The following STOX2 variants were observed in gnomAD, a reference collection of about 807,000 sequenced individuals.
STOX2 encodes the protein storkhead box 2.
A neutral mutation model predicts 60.9 loss-of-function variants in STOX2; 28 were observed. The ratio of observed to expected loss-of-function variants is 0.46; its 90% CI spans 0.34 to 0.63. STOX2 has a LOEUF of 0.63. STOX2 is among the 30% of genes least tolerant of loss of function. The pLI is 0.01. For synonymous variants in STOX2, 472 were observed against 463.9 expected (o/e 1.02, Z -0.22); for missense variants, 1,024 against 1,187.7 (o/e 0.86, Z 2.03).
intron 1 of STOX2, among the ~76,000 whole-genome samples, chr4:183,971,648 G>C (rs1353912029): frequency 6.6e-6 from 1 of 152,230 alleles, no homozygotes; most frequent in Non-Finnish European, 1.5e-5. Flanking sequence ...TGTCTGGTAT[G>C]TGGTAAGTGG....
chr4:183,859,012 C>T (rs887495082), intron 1 of STOX2, among the ~76,000 whole-genome samples: 10 of 152,174 alleles, frequency 6.6e-5, no homozygotes, highest in South Asian at 2.1e-4. Context: ...CTCTGCCACC[C>T]GCCCCACATT....
chr4:183,989,120 CG>C (rs1732977415), intron 1 of STOX2, among the ~76,000 whole-genome samples: 1 of 151,244 alleles, frequency 6.6e-6, no homozygotes, highest in South Asian at 2.1e-4. Context: ...CTATCTCGCT[CG>C]CTGCTCTGAG....
chr4:184,011,494 A>G lies in STOX2; in HGVS notation c.2585+71A>G, dbSNP rs1734172898. On this transcript the variant is annotated intron_variant, in intron 3 of 3. Transcript: ENST00000308497. This position sits in a 1 kb window ranked among gnomAD's most constrained non-coding sequence, Gnocchi z 4.4. ...TGGGGCTTTATGCACGTAACTTGAC[A>G]AGTTTCTGATTTCGTAGTCTCAGTT... 1 of 1,585,506 alleles carries G rather than the reference A, an allele frequency of 6.3e-7. No homozygotes were observed. Among genetic ancestry groups the G allele is most frequent in the South Asian group, 1.2e-5 (1 of 86,594 alleles).
intron 1 of STOX2, among the ~76,000 whole-genome samples, chr4:183,965,744 G>A (rs1743547496): frequency 6.6e-6 from 1 of 152,148 alleles, no homozygotes; most frequent in African/African-American, 2.4e-5. Context: ...GTTGTGGGGG[G>A]CGGTTTCCAG....
chr4:183,951,893 G>A (rs993964553), intron 1 of STOX2, among the ~76,000 whole-genome samples: 3 of 152,116 alleles, frequency 2.0e-5, no homozygotes, highest in African/African-American at 4.8e-5. Flanking sequence ...GCAGTGAGCC[G>A]AGATAGCACC....
intron 1 of STOX2, among the ~76,000 whole-genome samples, chr4:183,839,061 A>T (rs962830482): frequency 6.6e-6 from 1 of 152,076 alleles, no homozygotes; most frequent in Non-Finnish European, 1.5e-5. Context: ...ACACACACAC[A>T]CACACACACA....
chr4:183,906,369 C>A lies in STOX2; in HGVS notation c.-422C>A, dbSNP rs975440675. 1.3e-5 allele frequency: 2 copies of A among 156,074 alleles called. No homozygotes were observed. Among genetic ancestry groups the A allele is most frequent in the Admixed American group, 1.3e-4 (2 of 15,458 alleles). 9.7% of individuals were successfully genotyped at this position (156,074 alleles called of 1,614,324 possible). On this transcript the variant is annotated 5_prime_UTR_variant, in exon 1 of 4. Coordinates refer to ENST00000308497, the MANE Select transcript of STOX2 (RefSeq NM_020225.3). The stretch of plus-strand genomic sequence containing the variant: ...CCTCATTTGTTTGGGTCTTTTGTGC[C>A]GTGGCTCCCAGTTGGCCAAGCACTC...
intron 3 of STOX2, chr4:184,015,722 T>G (rs1404280749): frequency 1.3e-5 from 2 of 152,232 alleles, no homozygotes; most frequent in African/African-American, 4.8e-5. Context: ...TAGTTTGACT[T>G]GTTAACTAGC....
chr4:183,831,998 T>G (rs865980145), intron 1 of STOX2, among the ~76,000 whole-genome samples: 1 of 151,220 alleles, frequency 6.6e-6, no homozygotes, highest in African/African-American at 2.4e-5. Context: ...TCTTTTTTTT[T>G]TTTTTTTTGA....
At chr4:183,931,533 C>T (rs1438041422) in intron 1 of STOX2, among the ~76,000 whole-genome samples, 3 of 152,000 alleles carry the variant, frequency 2.0e-5, no homozygotes, top group African/African-American at 4.8e-5. Flanking sequence ...ATATTAGTTG[C>T]GAAGTGTCTA....
chr4:184,010,904 G>T lies in STOX2; in HGVS notation c.2066G>T (p.Ser689Ile). Residue 689 changes from serine (S) to isoleucine (I), a missense_variant, in exon 3 of 4, where the codon AGC (serine) becomes ATC (isoleucine). Coordinates refer to ENST00000308497, the MANE Select transcript of STOX2 (RefSeq NM_020225.3). The surrounding 1 kb of genome is among the most constrained non-coding windows in gnomAD (Gnocchi z 4.5). ...GTCCAGCACCATGGTGCCGAGCCCA[G>T]CAGCTTGGACAAGAGGAAAGAGATA... Reference protein sequence around the residue: ...RLVQHHGAEPSSLDKRKEIFS... With the variant: ...RLVQHHGAEPISLDKRKEIFS... The T allele has an allele frequency of 6.2e-7, 1 of 1,613,180 alleles. No homozygotes were observed. The highest frequency in any genetic ancestry group is 8.5e-7 in the Non-Finnish European group (1 of 1,179,522).
At chr4:183,991,368 A>G (rs1003620473) in intron 1 of STOX2, among the ~76,000 whole-genome samples, 5 of 152,196 alleles carry the variant, frequency 3.3e-5, no homozygotes, top group Non-Finnish European at 7.3e-5. Flanking sequence ...CAAATTTTCC[A>G]TTGGTAGAAA....
Position 183,884,097 on chromosome 4 carries a change from G to A in STOX2, c.364+86042G>A, listed in dbSNP as rs373263374. On this transcript the variant is annotated intron_variant, in intron 1 of 2. Coordinates refer to the STOX2 transcript ENST00000513034. ...TTGAACTTCTGACCTTAGGTGATCCGCCCCCCTCGGCCTCCCAAAGTGCTG... is the reference window on the plus strand; with the variant it reads ...TTGAACTTCTGACCTTAGGTGATCCACCCCCCTCGGCCTCCCAAAGTGCTG... Among the ~76,000 whole-genome samples the A allele has an allele frequency of 1.8e-3, 269 of 151,714 alleles. 3 individuals carry two copies. The highest frequency in any genetic ancestry group is 5.8e-3 in the African/African-American group (239 of 41,368).
intron 1 of STOX2, among the ~76,000 whole-genome samples, chr4:183,846,315 T>C (rs1739988858): frequency 6.6e-6 from 1 of 152,246 alleles, no homozygotes; most frequent in Non-Finnish European, 1.5e-5. Flanking sequence ...GTTGAGTTTG[T>C]TGAATGTGTA....
Position 183,856,589 on chromosome 4 carries a change from G to T in STOX2, c.364+58534G>T, listed in dbSNP as rs1313776514. On this transcript the variant is annotated intron_variant, in intron 1 of 2. Transcript: ENST00000513034. The surrounding 1 kb of genome is among the most constrained non-coding windows in gnomAD (Gnocchi z 4.0). ...AAGCCGTCCCTGCTCTCAGCCACCTGCCCCTGGCTGACTGCAGCTAATGGT... is the reference window on the plus strand; with the variant it reads ...AAGCCGTCCCTGCTCTCAGCCACCTTCCCCTGGCTGACTGCAGCTAATGGT... Among the ~76,000 whole-genome samples the T allele has an allele frequency of 1.3e-5, 2 of 152,146 alleles. No homozygotes were observed. The highest frequency in any genetic ancestry group is 1.5e-5 in the Non-Finnish European group (1 of 68,024).
intron 1 of STOX2, among the ~76,000 whole-genome samples, chr4:183,931,153 G>A (rs4416517): frequency 0.19 from 29,495 of 152,038 alleles, 4,561 homozygotes; most frequent in African/African-American, 0.42. Context: ...GTTGGGCACG[G>A]TGGCTCACAC....
chr4:183,951,073 G>C (rs988814756), intron 1 of STOX2, among the ~76,000 whole-genome samples: 4 of 151,980 alleles, frequency 2.6e-5, no homozygotes, highest in African/African-American at 9.7e-5. Flanking sequence ...AAAATTAGCC[G>C]GGCGTGGTGG....
At chr4:183,844,611 T>C (rs1011962936) in intron 1 of STOX2, among the ~76,000 whole-genome samples, 3 of 152,190 alleles carry the variant, frequency 2.0e-5, no homozygotes, top group African/African-American at 4.8e-5. Flanking sequence ...AATAAGCCAT[T>C]GATTGTGTTA....
intron 1 of STOX2, among the ~76,000 whole-genome samples, chr4:183,958,687 C>T (rs919352847): frequency 6.6e-6 from 1 of 152,180 alleles, no homozygotes; most frequent in East Asian, 1.9e-4. Flanking sequence ...CTGTTGGTTA[C>T]TTGAAGTAAG....
Sources: gnomAD v4.1 joint callset for allele counts (sites outside exome capture counted in the v4.1 genomes callset) on GRCh38, gnomAD v4.1.1 for gene constraint, Gnocchi (gnomAD v3.1) non-coding constraint, MANE v1.5 for transcripts, NCBI Gene and HGNC (gene_info 2026-07-23, HGNC 2026-07-21) for gene names.